Variants in PRKN observed in about 807,000 individuals in gnomAD.
PRKN encodes the protein parkin RBR E3 ubiquitin protein ligase, also known as E3 ubiquitin-protein ligase parkin.
Under a neutral mutation model 59.5 loss-of-function variants are expected in PRKN, and 56 were observed. That is an observed-to-expected ratio of 0.94 (90% CI 0.76 to 1.18). PRKN has a LOEUF of 1.18. Ranked by LOEUF, PRKN falls within the 50% of genes most tolerant of loss-of-function variation. The pLI, the probability that PRKN is intolerant of heterozygous loss-of-function variation, is 0.00. For synonymous variants in PRKN, 250 were observed against 222.1 expected (o/e 1.13, Z -1.12); for missense variants, 657 against 596.4 (o/e 1.10, Z -1.06).
At position 162,546,109 on chromosome 6, in the gene PRKN, T is replaced by TTG. The variant is rs1475833436; in HGVS notation, c.8-102637_8-102636insCA. ...TGTAAAAGTGTATGCAGTTTTTTTT[T>TTG]TTTTTTTTTTTTGAGACAGAGTCTC... On this transcript the variant is annotated intron_variant, in intron 1 of 11. Transcript: ENST00000366898. Among the ~76,000 whole-genome samples the TTG allele has an allele frequency of 1.8e-4, 26 of 148,540 alleles. 1 individual carries two copies. The highest frequency in any genetic ancestry group is 6.3e-4 in the African/African-American group (25 of 39,766).
At position 161,373,436 on chromosome 6, in the gene PRKN, T is replaced by C. The variant is rs1164034086; in HGVS notation, c.1168-13231A>G. ...TTCCTCAGACACGGGTGGGAACACC[T>C]AGTCCTTGCTGAAAGAAGGTAAATG... is the stretch of plus-strand genomic sequence containing the variant. On this transcript the variant is annotated intron_variant, in intron 10 of 11. Coordinates refer to ENST00000366898, the MANE Select transcript of PRKN (RefSeq NM_004562.3). The surrounding 1 kb of genome is among the most constrained non-coding windows in gnomAD (Gnocchi z 4.8). Among the ~76,000 whole-genome samples the C allele has an allele frequency of 6.6e-6, 1 of 152,130 alleles. No individual in the cohort carries two copies. Among genetic ancestry groups the C allele is most frequent in the Non-Finnish European group, 1.5e-5 (1 of 68,022 alleles).
rs964580848 is a variant in PRKN, at chr6:162,714,277, T to C, written c.7+13385A>G. 2.0e-5 allele frequency among the ~76,000 whole-genome samples: 3 copies of C among 152,126 alleles called. 1 individual carries two copies. The highest frequency in any genetic ancestry group is 6.5e-5 in the Admixed American group (1 of 15,274). On this transcript the variant is annotated intron_variant, in intron 1 of 11. Transcript: ENST00000366898. ...AGCCAGTCTTTAACACAAAAGAACA[T>C]CTTTAGAACAATTGTGAAAAAAATC...
intron 7 of PRKN, among the ~76,000 whole-genome samples, chr6:161,605,675 G>A (rs749877376): frequency 6.6e-6 from 1 of 151,944 alleles, no homozygotes; most frequent in Non-Finnish European, 1.5e-5. Context: ...CCACGCCCAG[G>A]TAATTTTTGT....
chr6:162,253,284 T>TAATCC lies in PRKN; in HGVS notation c.412+9240_412+9241insGGATT, dbSNP rs1420782143. ...TGCTGGTGACAACAGGCAACAAATC[T>TAATCC]AATCTAATCTAATCTAATCTAATCT... On this transcript the variant is annotated intron_variant, in intron 3 of 11. Coordinates refer to ENST00000366898, the MANE Select transcript of PRKN (RefSeq NM_004562.3). 2.0e-5 allele frequency among the ~76,000 whole-genome samples: 3 copies of TAATCC among 148,942 alleles called. No homozygotes were observed. The South Asian group carries it at 6.3e-4, about 31-fold the overall frequency.
chr6:162,011,084 TA>T lies in PRKN; in HGVS notation c.619-37668del, dbSNP rs1189990165. ...TAATATATAATATATTTATAATATATATTATAATATATAATATATTTATAAT... is the reference window on the plus strand; with the variant it reads ...TAATATATAATATATTTATAATATATTTATAATATATAATATATTTATAAT... On this transcript the variant is annotated intron_variant, in intron 5 of 11. Transcript: ENST00000366898. Among the ~76,000 whole-genome samples the T allele has an allele frequency of 9.3e-3, 117 of 12,636 alleles. 38 individuals carry two copies. The highest frequency in any genetic ancestry group is 0.046 in the African/African-American group (94 of 2,044). 8.3% of individuals were successfully genotyped at this position (12,636 alleles called of 152,430 possible).
Position 162,211,951 on chromosome 6 carries a change from A to C in PRKN, c.413-10699T>G, listed in dbSNP as rs138698630. Among the ~76,000 whole-genome samples the C allele has an allele frequency of 2.1e-3, 320 of 152,330 alleles. 1 individual carries two copies. Among genetic ancestry groups the C allele is most frequent in the African/African-American group, 7.0e-3 (289 of 41,576 alleles). On this transcript the variant is annotated intron_variant, in intron 3 of 11. Transcript: ENST00000366898. ...TAAGTTAGAAACACATGGTGATGTCATCATGCTGGGGGGAAAACATAGATT... is the reference window on the plus strand; with the variant it reads ...TAAGTTAGAAACACATGGTGATGTCCTCATGCTGGGGGGAAAACATAGATT...
At chr6:162,434,916 A>G (rs1562762241) in intron 2 of PRKN, among the ~76,000 whole-genome samples, 1 of 151,728 alleles carries the variant, frequency 6.6e-6, no homozygotes, top group East Asian at 1.9e-4. Flanking sequence ...GTAAAGATGG[A>G]ATTTCAGTGA....
chr6:161,874,264 A>AAATAT (rs575528585), intron 6 of PRKN, among the ~76,000 whole-genome samples: 4,177 of 10,652 alleles, frequency 0.39, 1,314 homozygotes, highest in Middle Eastern at 0.5. Context: ...ATTATATGTA[A>AAATAT]AATATATAAT....
At chr6:162,198,308 T>G (rs185246877) in intron 4 of PRKN, among the ~76,000 whole-genome samples, 128 of 151,986 alleles carry the variant, frequency 8.4e-4, no homozygotes, top group African/African-American at 3.1e-3. Context: ...ATGCTGGGCC[T>G]GGGGAGCAGG....
chr6:161,963,402 C>A (rs569161751), intron 6 of PRKN, among the ~76,000 whole-genome samples: 3 of 152,358 alleles, frequency 2.0e-5, no homozygotes, highest in African/African-American at 7.2e-5. Flanking sequence ...GCTGACGCAG[C>A]TGCTCACATC....
At chr6:162,278,216 T>TATGTATATACATATG (rs1349882274) in intron 2 of PRKN, among the ~76,000 whole-genome samples, 1 of 152,160 alleles carries the variant, frequency 6.6e-6, no homozygotes, top group Non-Finnish European at 1.5e-5. Context: ...ACATGTTGTA[T>TATGTATATACATATG]TATACGACAT....
rs111726061 is a variant in PRKN at position 161,829,475 on chromosome 6, T to G, written c.735-43567A>C. Among the ~76,000 whole-genome samples the G allele has an allele frequency of 3.2e-3, 481 of 152,288 alleles. 2 individuals are homozygous for G. The highest frequency in any genetic ancestry group is 0.011 in the African/African-American group (452 of 41,574). On this transcript the variant is annotated intron_variant, in intron 6 of 11. Coordinates refer to ENST00000366898, the MANE Select transcript of PRKN (RefSeq NM_004562.3). ...TTTTCACTGATCTTTAGGCTCTCTG[T>G]GCTCCCTGCGGTCTGAGGATCAGAC...
intron 2 of PRKN, among the ~76,000 whole-genome samples, chr6:162,317,567 C>T (rs1333547297): frequency 6.6e-6 from 1 of 152,010 alleles, no homozygotes; most frequent in Non-Finnish European, 1.5e-5. Flanking sequence ...TGTTTGTTTT[C>T]CCTATGTCTT....
intron 9 of PRKN, among the ~76,000 whole-genome samples, chr6:161,534,169 T>C (rs1027350369): frequency 1.3e-5 from 2 of 152,098 alleles, no homozygotes; most frequent in Non-Finnish European, 2.9e-5. Context: ...AGCCCACGAC[T>C]CCTCTCCGTC....
At chr6:162,704,520 C>T (rs1455321740) in intron 1 of PRKN, among the ~76,000 whole-genome samples, 2 of 152,176 alleles carry the variant, frequency 1.3e-5, no homozygotes, top group African/African-American at 2.4e-5. Context: ...TGTCAAAGCT[C>T]ATTGGAATAT....
chr6:162,488,041 T>A lies in PRKN; in HGVS notation c.8-44568A>T, dbSNP rs999193549. On this transcript the variant is annotated intron_variant, in intron 1 of 11. Transcript: ENST00000366898. ...CCACCATTTCCCTTTTTTTTTTTTT[T>A]TTTTTTTTTTTGGCGGAGGGTTAAA... 9.0e-4 allele frequency among the ~76,000 whole-genome samples: 135 copies of A among 150,768 alleles called. 1 individual carries two copies. Among genetic ancestry groups the A allele is most frequent in the African/African-American group, 3.2e-3 (134 of 41,284 alleles).
chr6:161,639,387 T>A (rs2128157817), intron 7 of PRKN, among the ~76,000 whole-genome samples: 1 of 152,302 alleles, frequency 6.6e-6, no homozygotes, highest in East Asian at 1.9e-4. Context: ...CGGCACACTC[T>A]CTTTTCTGGC....
chr6:162,163,523 A>G (rs1357400349), intron 4 of PRKN, among the ~76,000 whole-genome samples: 1 of 149,496 alleles, frequency 6.7e-6, no homozygotes, highest in East Asian at 1.9e-4. Flanking sequence ...GAAACAGGGG[A>G]AAAACAGGTA....
rs995356505 is a variant in PRKN, at chr6:162,507,294, T to C, written c.8-63821A>G. ...AGTAACTTCTTTGAAACGCAAATCG[T>C]ATGATTTCACTCCTATGCTTAAAAC... On this transcript the variant is annotated intron_variant, in intron 1 of 11. Coordinates refer to ENST00000366898, the MANE Select transcript of PRKN (RefSeq NM_004562.3). Among the ~76,000 whole-genome samples, 4 of 152,230 alleles carry C rather than the reference T, an allele frequency of 2.6e-5. No homozygotes were observed. The South Asian group carries it at 6.2e-4, about 24-fold the overall frequency.
Sources: allele counts gnomAD v4.1 joint callset (sites outside exome capture counted in the v4.1 genomes callset), GRCh38; gene constraint gnomAD v4.1.1; non-coding constraint Gnocchi (gnomAD v3.1); transcripts MANE v1.5; gene names NCBI Gene and HGNC (gene_info 2026-07-23, HGNC 2026-07-21).